SCAI: variants seen among roughly 807,000 people sequenced by gnomAD.
SCAI encodes the protein protein SCAI.
A neutral mutation model predicts 92.2 loss-of-function variants in SCAI; 24 were observed. The ratio of observed to expected loss-of-function variants is 0.26; its 90% confidence interval spans 0.19 to 0.37. The LOEUF (loss-of-function observed/expected upper bound fraction) is 0.37. Among genes scored for constraint, SCAI ranks in the 10% least tolerant of loss-of-function variants. The pLI, the probability that SCAI is intolerant of heterozygous loss-of-function variation, is 1.00. For synonymous variants in SCAI, 261 were observed against 258.6 expected (o/e 1.01, Z -0.09); for missense variants, 450 against 736.2 (o/e 0.61, Z 4.50).
chr9:124,971,928 A>G (rs1831668536), intron 15 of SCAI, 84 bp from the exon 16 acceptor site: 1 of 637,970 alleles, frequency 1.6e-6, no homozygotes, highest in East Asian at 3.3e-5. Flanking sequence ...TAATATACTG[A>G]TAATATATAA....
At chr9:125,137,141 G>C (rs905400958) in intron 2 of SCAI, among the ~76,000 whole-genome samples, 5 of 152,042 alleles carry the variant, frequency 3.3e-5, no homozygotes, top group African/African-American at 1.2e-4. Flanking sequence ...TGTACATTTT[G>C]TTTTCTAGTT....
chr9:125,131,785 A>C (rs903520611), intron 2 of SCAI, among the ~76,000 whole-genome samples: 1 of 152,178 alleles, frequency 6.6e-6, no homozygotes, highest in African/African-American at 2.4e-5. Flanking sequence ...GCTGAGGCAA[A>C]CCTACCATGA....
chr9:125,128,656 G>C (rs11793475), intron 2 of SCAI, among the ~76,000 whole-genome samples: 13,914 of 152,056 alleles, frequency 0.092, 853 homozygotes, highest in Non-Finnish European at 0.13. Flanking sequence ...GGGAGGCTGA[G>C]GCAGGAGAAT....
At chr9:125,006,421 A>G (rs1832508254) in intron 9 of SCAI, among the ~76,000 whole-genome samples, 1 of 152,256 alleles carries the variant, frequency 6.6e-6, no homozygotes, top group South Asian at 2.1e-4. Flanking sequence ...GCTTAAATAG[A>G]AGAAGTAATT....
intron 2 of SCAI, among the ~76,000 whole-genome samples, chr9:125,082,148 G>A (rs1834234310): frequency 6.6e-6 from 1 of 152,176 alleles, no homozygotes; most frequent in Non-Finnish European, 1.5e-5. Context: ...TGCCATGTGT[G>A]GTCTAGAGAC....
At chr9:125,135,845 T>G (rs1419530324) in intron 2 of SCAI, among the ~76,000 whole-genome samples, 1 of 151,276 alleles carries the variant, frequency 6.6e-6, no homozygotes, top group Non-Finnish European at 1.5e-5. Flanking sequence ...GGCGCATGTC[T>G]GTAATCCCAG....
At position 125,102,853 on chromosome 9, in the gene SCAI, C is replaced by A. The variant is rs144157197; in HGVS notation, c.98+39780G>T. On this transcript the variant is annotated intron_variant, in intron 2 of 17. Transcript: ENST00000336505. ...CCTCAGGTGATCCACCCACCCCGGC[C>A]TCCCAAAGTGCTGGGATTACAGGCG... 8.0e-3 allele frequency among the ~76,000 whole-genome samples: 1,224 copies of A among 152,298 alleles called. 21 individuals carry two copies. The highest frequency in any genetic ancestry group is 0.028 in the African/African-American group (1,146 of 41,550).
At chr9:125,069,672 G>C (rs1833942301) in intron 2 of SCAI, among the ~76,000 whole-genome samples, 1 of 141,342 alleles carries the variant, frequency 7.1e-6, no homozygotes, top group Non-Finnish European at 1.5e-5. Flanking sequence ...CACCAAGGCT[G>C]GAGTGCAGTT....
In SCAI at chr9:125,091,577, C is replaced by A. The variant is rs1230825251; in HGVS notation, c.99-35570G>T. On this transcript the variant is annotated intron_variant, in intron 2 of 17. Transcript: ENST00000336505. The surrounding 1 kb of genome is among the most constrained non-coding windows in gnomAD (Gnocchi z 4.3). ...TCACTCAGTTAAATCCAACATTCTACCTACTCCATGCTTGCACCTGGGCTA... is the reference window on the plus strand; with the variant it reads ...TCACTCAGTTAAATCCAACATTCTAACTACTCCATGCTTGCACCTGGGCTA... Among the ~76,000 whole-genome samples the A allele has an allele frequency of 6.6e-6, 1 of 152,200 alleles. No individual in the cohort carries two copies. The highest frequency in any genetic ancestry group is 2.4e-5 in the African/African-American group (1 of 41,444).
At chr9:125,000,753 A>G (rs1832342135) in intron 12 of SCAI, among the ~76,000 whole-genome samples, 2 of 152,226 alleles carry the variant, frequency 1.3e-5, no homozygotes, top group Non-Finnish European at 2.9e-5. Flanking sequence ...CTCATTCACA[A>G]AAACTTCACC....
At chr9:125,093,986 C>G (rs1332779398) in intron 2 of SCAI, among the ~76,000 whole-genome samples, 1 of 152,002 alleles carries the variant, frequency 6.6e-6, no homozygotes, top group Non-Finnish European at 1.5e-5. Flanking sequence ...TTATCAGATA[C>G]AAAACTTAAT....
chr9:125,050,310 AC>A (rs1438055140), intron 3 of SCAI, among the ~76,000 whole-genome samples: 1 of 152,166 alleles, frequency 6.6e-6, no homozygotes, highest in East Asian at 1.9e-4. Context: ...AACCAAAAAA[AC>A]CTTATAATTA....
chr9:124,986,690 T>C (rs1016499140), intron 14 of SCAI, among the ~76,000 whole-genome samples: 29 of 152,090 alleles, frequency 1.9e-4, no homozygotes, highest in Admixed American at 1.7e-3. Flanking sequence ...CAAATCCCAA[T>C]AGATTTAAGC....
chr9:125,042,634 T>TACACACACAC (rs1554783862), intron 3 of SCAI, among the ~76,000 whole-genome samples: 76 of 96,214 alleles, frequency 7.9e-4, no homozygotes, highest in African/African-American at 2.8e-3. Flanking sequence ...TGTGTGTGTG[T>TACACACACAC]ACACACACAC....
At chr9:125,055,571 C>A (rs1310786312) in intron 3 of SCAI, among the ~76,000 whole-genome samples, 1 of 152,194 alleles carries the variant, frequency 6.6e-6, no homozygotes, top group African/African-American at 2.4e-5. Context: ...TTAGGCTCCT[C>A]AGACCTCAAC....
chr9:125,025,432 T>C (rs992374271), intron 6 of SCAI, among the ~76,000 whole-genome samples: 2 of 152,234 alleles, frequency 1.3e-5, no homozygotes, highest in Non-Finnish European at 2.9e-5. Context: ...AATTAGAAAA[T>C]GCAGAAAAGT....
intron 17 of SCAI, 143 bp downstream of exon 17, chr9:124,971,227 C>T (rs541243224): frequency 2.5e-5 from 12 of 473,644 alleles, no homozygotes; most frequent in African/African-American, 1.4e-4. Flanking sequence ...ACCAGTGTGA[C>T]GGTACATTTG....
At chr9:125,100,503 G>A (rs942234529) in intron 2 of SCAI, among the ~76,000 whole-genome samples, 3 of 152,158 alleles carry the variant, frequency 2.0e-5, no homozygotes, top group African/African-American at 7.2e-5. Flanking sequence ...CAGAGCCTTT[G>A]CTTTAATCAC....
At chr9:125,062,514 G>A (rs1325868028) in intron 2 of SCAI, among the ~76,000 whole-genome samples, 2 of 151,356 alleles carry the variant, frequency 1.3e-5, no homozygotes, top group African/African-American at 4.8e-5. Flanking sequence ...ACTTTGGGAG[G>A]CCAAGGTGGG....
Sources: gnomAD v4.1 joint callset for allele counts (sites outside exome capture counted in the v4.1 genomes callset) on GRCh38, gnomAD v4.1.1 for gene constraint, Gnocchi (gnomAD v3.1) non-coding constraint, MANE v1.5 for transcripts, NCBI Gene and HGNC (gene_info 2026-07-23, HGNC 2026-07-21) for gene names.